POLR3G: variants seen among roughly 807,000 people sequenced by gnomAD.
POLR3G encodes the protein DNA-directed RNA polymerase III subunit RPC7.
A neutral mutation model predicts 30.1 loss-of-function variants in POLR3G; 28 were observed. That is an observed-to-expected ratio of 0.93 (90% confidence interval 0.69 to 1.27). The LOEUF (loss-of-function observed/expected upper bound fraction) is 1.27, where lower values mean the gene tolerates loss of function less well. Ranked by LOEUF, POLR3G falls within the 50% of genes most tolerant of loss-of-function variation. The pLI is 0.00. For missense variants in POLR3G, 254 were observed against 264.6 expected (o/e 0.96, Z 0.28); for synonymous variants, 79 against 82.5 (o/e 0.96, Z 0.23).
In POLR3G at chr5:90,512,079, T is replaced by C. The variant is rs568968429; in HGVS notation, c.612T>C (p.Phe204=). The C allele has an allele frequency of 1.9e-6, 3 of 1,607,186 alleles. No individual in the cohort carries two copies. The highest frequency in any genetic ancestry group is 2.6e-6 in the Non-Finnish European group (3 of 1,173,926). ...EEENDYINSY[F]EDGDDFGADS... ...AAAATGACTACATTAATTCATACTTTGAAGATGGAGATGATTTTGGCGCAG... is the reference window on the plus strand; with the variant it reads ...AAAATGACTACATTAATTCATACTTCGAAGATGGAGATGATTTTGGCGCAG... The change falls in exon 8 of 8, where the codon TTT becomes TTC. Residue 204 remains phenylalanine, a synonymous_variant. Coordinates refer to ENST00000651687, the MANE Select transcript of POLR3G (RefSeq NM_006467.3).
At chr5:90,508,715 TTATGTCACTTAAC>T (rs1299827856) in intron 7 of POLR3G, among the ~76,000 whole-genome samples, 1 of 152,118 alleles carries the variant, frequency 6.6e-6, no homozygotes, top group East Asian at 1.9e-4. Flanking sequence ...ATTTTAGCCT[TTATGTCACTTAAC>T]TTTTTTGCAG....
intron 7 of POLR3G, 49 bp downstream of exon 7, chr5:90,506,723 T>C: frequency 6.4e-7 from 1 of 1,550,644 alleles, no homozygotes. Flanking sequence ...GTTTATCTAA[T>C]AAGGAATCAG....
chr5:90,491,779 A>G (rs1376421581), intron 3 of POLR3G, among the ~76,000 whole-genome samples: 7 of 152,022 alleles, frequency 4.6e-5, no homozygotes, highest in Non-Finnish European at 8.8e-5. Context: ...TTATCTCATC[A>G]CTATTCATCA....
At chr5:90,478,414 A>T (rs1483369222) in intron 1 of POLR3G, among the ~76,000 whole-genome samples, 7 of 152,042 alleles carry the variant, frequency 4.6e-5, no homozygotes, top group Admixed American at 4.6e-4. Flanking sequence ...GCCTAGACCT[A>T]TGCTTCCTGA....
At chr5:90,499,136 G>C (rs967392096) in intron 5 of POLR3G, among the ~76,000 whole-genome samples, 1 of 152,166 alleles carries the variant, frequency 6.6e-6, no homozygotes, top group Non-Finnish European at 1.5e-5. Flanking sequence ...TCAAAATGGA[G>C]ATAGCAGTCA....
chr5:90,512,016 T>A, intron 7 of POLR3G, 37 bp from the exon 8 acceptor site: 1 of 1,376,966 alleles, frequency 7.3e-7, no homozygotes, highest in Non-Finnish European at 1.0e-6. Context: ...TACTCATTCA[T>A]TTTAACGTTT....
At chr5:90,485,453 C>A in intron 1 of POLR3G, 72 bp from the exon 2 acceptor site, 2 of 710,548 alleles carry the variant, frequency 2.8e-6, no homozygotes, top group Non-Finnish European at 2.4e-6. Context: ...TTAAGGGGTG[C>A]AGTTTTATAT....
chr5:90,509,158 C>T (rs1752624040), intron 7 of POLR3G, among the ~76,000 whole-genome samples: 1 of 152,178 alleles, frequency 6.6e-6, no homozygotes, highest in South Asian at 2.1e-4. Flanking sequence ...ATGGTTGCTT[C>T]CCTTAATTTT....
At position 90,514,092 on chromosome 5, in the gene POLR3G, G is replaced by C. The variant is rs1752855685; in HGVS notation, c.*1953G>C. 1 of 152,194 alleles carries C rather than the reference G, an allele frequency of 6.6e-6. No homozygotes were observed. The highest frequency in any genetic ancestry group is 1.5e-5 in the Non-Finnish European group (1 of 68,034). The allele number at this position is 152,194 out of a possible 1,614,324, so 9.4% of individuals were successfully genotyped here. On this transcript the variant is annotated 3_prime_UTR_variant, in exon 8 of 8. Coordinates refer to ENST00000651687, the MANE Select transcript of POLR3G (RefSeq NM_006467.3). ...GCCCCTTGGGGCAAGGATTTACTCTGGGAGGTACCGTTAAGAGCCTTCTTT... is the reference window on the plus strand; with the variant it reads ...GCCCCTTGGGGCAAGGATTTACTCTCGGAGGTACCGTTAAGAGCCTTCTTT...
At chr5:90,477,200 A>G (rs747106428) in intron 1 of POLR3G, among the ~76,000 whole-genome samples, 10 of 152,172 alleles carry the variant, frequency 6.6e-5, no homozygotes, top group African/African-American at 2.4e-4. Flanking sequence ...AGAAAGTGTC[A>G]TTTGCATGGC....
At chr5:90,491,944 TAA>T (rs1751746298) in intron 3 of POLR3G, among the ~76,000 whole-genome samples, 1 of 152,232 alleles carries the variant, frequency 6.6e-6, no homozygotes, top group Non-Finnish European at 1.5e-5. Flanking sequence ...TAAGAAGTTA[TAA>T]AGTCTTCAGA....
At position 90,480,413 on chromosome 5, in the gene POLR3G, A is replaced by G. The variant is rs575064717; in HGVS notation, c.-43-5112A>G. 2.3e-3 allele frequency among the ~76,000 whole-genome samples: 341 copies of G among 151,186 alleles called. 1 individual carries two copies. The highest frequency in any genetic ancestry group is 8.1e-3 in the African/African-American group (330 of 40,516). ...GGGTTTGTAGGCTGGAATGCCACATAATTATTAAATGTGTCAAAAGCTAGG... is the reference window on the plus strand; with the variant it reads ...GGGTTTGTAGGCTGGAATGCCACATGATTATTAAATGTGTCAAAAGCTAGG... On this transcript the variant is annotated intron_variant, in intron 1 of 7. Coordinates refer to ENST00000651687, the MANE Select transcript of POLR3G (RefSeq NM_006467.3).
intron 1 of POLR3G, among the ~76,000 whole-genome samples, chr5:90,477,351 A>G (rs930879868): frequency 6.6e-6 from 1 of 152,204 alleles, no homozygotes; most frequent in Non-Finnish European, 1.5e-5. Flanking sequence ...GTCACATGTC[A>G]AGATTTGTAT....
chr5:90,474,479 C>T (rs560585548), upstream of POLR3G: 81 of 603,764 alleles, frequency 1.3e-4, no homozygotes, highest in Middle Eastern at 4.3e-4. Flanking sequence ...CCGACGCTGC[C>T]CGTAGCGTGC....
At chr5:90,506,080 T>C (rs1473680166) in intron 6 of POLR3G, among the ~76,000 whole-genome samples, 1 of 151,782 alleles carries the variant, frequency 6.6e-6, no homozygotes, top group African/African-American at 2.4e-5. Flanking sequence ...ACTAAAAAAA[T>C]TAGCCAGGCT....
intron 1 of POLR3G, among the ~76,000 whole-genome samples, chr5:90,483,838 G>A (rs1352136856): frequency 6.6e-6 from 1 of 152,082 alleles, no homozygotes; most frequent in Non-Finnish European, 1.5e-5. Flanking sequence ...ATTAAAACTT[G>A]GACTGCCACA....
In POLR3G at chr5:90,502,287, C is replaced by T. The variant is rs909305486; in HGVS notation, c.438+299C>T. 3.1e-6 allele frequency: 3 copies of T among 976,562 alleles called. No homozygotes were observed. The African/African-American group carries it at 5.3e-5, about 17-fold the overall frequency. 60.5% of individuals were successfully genotyped at this position (976,562 alleles called of 1,614,324 possible). A position where few individuals can be genotyped will look rare whatever the true frequency, so the allele number is the denominator to read the frequency against. On this transcript the variant is annotated intron_variant, in intron 6 of 7. Coordinates refer to ENST00000651687, the MANE Select transcript of POLR3G (RefSeq NM_006467.3). Reference sequence around the variant, plus strand: ...TTTGAATCATGCAGGCAGAGAGAAACATGAACAAGTTTTAAAAAGAGTTAC... The same window carrying T: ...TTTGAATCATGCAGGCAGAGAGAAATATGAACAAGTTTTAAAAAGAGTTAC...
At chr5:90,495,257 A>G (rs1418648055) in intron 3 of POLR3G, among the ~76,000 whole-genome samples, 1 of 152,168 alleles carries the variant, frequency 6.6e-6, no homozygotes, top group Non-Finnish European at 1.5e-5. Context: ...ACTACTTTTT[A>G]TGATGAACAT....
At chr5:90,506,117 T>A (rs187269396) in intron 6 of POLR3G, among the ~76,000 whole-genome samples, 53 of 152,078 alleles carry the variant, frequency 3.5e-4, no homozygotes, top group African/African-American at 1.2e-3. Flanking sequence ...TAGTCCCAGC[T>A]ACGCAGGAAG....
Sources: allele counts gnomAD v4.1 joint callset (sites outside exome capture counted in the v4.1 genomes callset), GRCh38; gene constraint gnomAD v4.1.1; transcripts MANE v1.5; gene names NCBI Gene and HGNC (gene_info 2026-07-23, HGNC 2026-07-21).